The following SORBS2 variants were observed in gnomAD, a reference collection of about 807,000 sequenced individuals.
SORBS2 encodes sorbin and SH3 domain containing 2.
In SORBS2, 46 loss-of-function variants were observed where a neutral mutation model predicts 97.7. The observed-to-expected ratio is 0.47, with a 90% confidence interval of 0.37 to 0.60. SORBS2 has a LOEUF of 0.60. Ranked by LOEUF, SORBS2 falls within the 20% of genes least tolerant of loss-of-function variation. The probability of loss-of-function intolerance (pLI) is 0.00; values close to 1 mark genes in which losing one functional copy is unlikely to be tolerated. For missense variants in SORBS2, 1,316 were observed against 1,282.3 expected (o/e 1.03, Z -0.40); for synonymous variants, 476 against 473.4 (o/e 1.01, Z -0.07).
intron 1 of SORBS2, among the ~76,000 whole-genome samples, chr4:185,934,025 T>G (rs2099267717): frequency 6.6e-6 from 1 of 152,128 alleles, no homozygotes; most frequent in South Asian, 2.1e-4. Context: ...AAAGCATTTT[T>G]CCCCATAGGA....
In SORBS2 at chr4:185,684,712, A is replaced by C. The variant is rs1379594422; in HGVS notation, c.-197-5890T>G. ...AACAAAAACAGTCAGAAGAGCTAGA[A>C]GCCATTCAAGTGCGACATTGTGTGA... On this transcript the variant is annotated intron_variant, in intron 2 of 20. Transcript: ENST00000284776. The surrounding 1 kb of genome is among the most constrained non-coding windows in gnomAD (Gnocchi z 4.2). 1 of 1,336,660 alleles carries C rather than the reference A, an allele frequency of 7.5e-7. No homozygotes were observed. The highest frequency in any genetic ancestry group is 1.0e-6 in the Non-Finnish European group (1 of 952,424). 82.8% of individuals were successfully genotyped at this position (1,336,660 alleles called of 1,614,324 possible).
At chr4:185,863,805 T>C (rs993132558) in intron 1 of SORBS2, among the ~76,000 whole-genome samples, 7 of 152,232 alleles carry the variant, frequency 4.6e-5, no homozygotes, top group Non-Finnish European at 1.0e-4. Context: ...GCTATGATTG[T>C]GAATTAAATA....
intron 1 of SORBS2, among the ~76,000 whole-genome samples, chr4:185,936,957 TAGAC>T (rs1406832427): frequency 6.6e-6 from 1 of 152,252 alleles, no homozygotes; most frequent in Non-Finnish European, 1.5e-5. Flanking sequence ...TTCAGCTTCT[TAGAC>T]AGTAAGAGGA....
At chr4:185,682,806 T>C (rs1291469058) in intron 2 of SORBS2, among the ~76,000 whole-genome samples, 1 of 148,910 alleles carries the variant, frequency 6.7e-6, no homozygotes, top group African/African-American at 2.5e-5. Flanking sequence ...AGGTCAGGAG[T>C]TTGAGACCAG....
intron 4 of SORBS2, chr4:185,676,847 G>A: frequency 1.6e-6 from 1 of 632,362 alleles, no homozygotes; most frequent in Non-Finnish European, 2.7e-6. Context: ...ATTTAGTAGG[G>A]TTTTAAATTG....
chr4:185,926,227 C>T (rs1021465139), intron 1 of SORBS2, among the ~76,000 whole-genome samples: 1 of 152,244 alleles, frequency 6.6e-6, no homozygotes, highest in African/African-American at 2.4e-5. Context: ...ACTGCCCTGG[C>T]TGCAATGCCA....
intron 4 of SORBS2, among the ~76,000 whole-genome samples, chr4:185,668,529 A>G (rs1051035476): frequency 6.6e-6 from 1 of 152,212 alleles, no homozygotes; most frequent in Admixed American, 6.5e-5. Flanking sequence ...GTCACCCACA[A>G]AAAAGCTTTG....
At chr4:185,610,522 C>T (rs1291851868) in intron 12 of SORBS2, among the ~76,000 whole-genome samples, 7 of 152,058 alleles carry the variant, frequency 4.6e-5, no homozygotes, top group Admixed American at 3.3e-4. Context: ...GCAACTGAAA[C>T]TCAGTCTTCA....
chr4:185,895,348 A>T (rs945331904), intron 1 of SORBS2, among the ~76,000 whole-genome samples: 2 of 152,332 alleles, frequency 1.3e-5, no homozygotes, highest in Non-Finnish European at 2.9e-5. Flanking sequence ...GATCCATCCC[A>T]ACACAGAATC....
At chr4:185,889,695 C>T (rs1419510609) in intron 1 of SORBS2, among the ~76,000 whole-genome samples, 2 of 152,056 alleles carry the variant, frequency 1.3e-5, no homozygotes, top group Non-Finnish European at 2.9e-5. Context: ...GTGCTTCTGT[C>T]CTCCTCCTCC....
intron 1 of SORBS2, among the ~76,000 whole-genome samples, chr4:185,886,972 G>C (rs56122940): frequency 0.2 from 30,479 of 152,080 alleles, 3,941 homozygotes; most frequent in East Asian, 0.54. Context: ...AGCGGGCAGC[G>C]ATAGAATGGC....
intron 1 of SORBS2, among the ~76,000 whole-genome samples, chr4:185,807,400 T>C (rs946271192): frequency 3.9e-5 from 6 of 152,230 alleles, no homozygotes; most frequent in African/African-American, 1.2e-4. Context: ...AATTTAATGC[T>C]GAATTTATGT....
rs1012444074 is a variant in SORBS2 at position 185,623,333 on chromosome 4, G to A, written c.1796C>T (p.Ser599Phe). The change falls in exon 7 of 15, where the codon TCT becomes TTT. Residue 599 changes from serine (S) to phenylalanine (F), a missense_variant. Ser to Phe is a radical substitution (Grantham distance 155). Transcript: ENST00000418609. This position sits in a 1 kb window ranked among gnomAD's most constrained non-coding sequence, Gnocchi z 6.4. ...AGGACTGACTAGAAAAGCAAGTTTA[G>A]AAAGGCCAGGGTCCATTTCTTGCCT... 1.2e-6 allele frequency: 2 copies of A among 1,614,026 alleles called. No homozygotes were observed. The highest frequency in any genetic ancestry group is 2.2e-5 in the South Asian group (2 of 91,070).
At chr4:185,605,494 G>A (rs893290430) in intron 12 of SORBS2, among the ~76,000 whole-genome samples, 1 of 151,612 alleles carries the variant, frequency 6.6e-6, no homozygotes, top group Non-Finnish European at 1.5e-5. Context: ...ATGTTGGACA[G>A]GTTGGTTTCG....
rs35448726 is a variant in SORBS2 at position 185,806,436 on chromosome 4, ATTTTTTTTTTTTTTT to A, written c.-337-31085_-337-31071del. Among the ~76,000 whole-genome samples the A allele has an allele frequency of 8.8e-5, 2 of 22,724 alleles. 1 individual carries two copies. Among genetic ancestry groups the A allele is most frequent in the African/African-American group, 2.9e-4 (2 of 6,996 alleles). 14.9% of individuals were successfully genotyped at this position (22,724 alleles called of 152,430 possible). On this transcript the variant is annotated intron_variant, in intron 1 of 20. Coordinates refer to the SORBS2 transcript ENST00000284776. ...TGGCACAGCTCTTGGCTAGAATCCT[ATTTTTTTTTTTTTTT>A]TTTTTTTTTTTTTTTTTTTTTTTTG...
chr4:185,596,367 G>A (rs1471027188), intron 12 of SORBS2, among the ~76,000 whole-genome samples: 1 of 151,922 alleles, frequency 6.6e-6, no homozygotes, highest in Non-Finnish European at 1.5e-5. Flanking sequence ...AATTCTACTA[G>A]TTTAATTCCT....
chr4:185,653,390 G>A (rs762304592), intron 1 of SORBS2, among the ~76,000 whole-genome samples: 1 of 152,182 alleles, frequency 6.6e-6, no homozygotes, highest in African/African-American at 2.4e-5. Flanking sequence ...GGATCCAGGC[G>A]TCGGACATGA....
At position 185,885,374 on chromosome 4, in the gene SORBS2, A is replaced by T. The variant is rs1340997950; in HGVS notation, c.-338+70822T>A. Among the ~76,000 whole-genome samples, 3 of 152,336 alleles carry T rather than the reference A, an allele frequency of 2.0e-5. 1 individual carries two copies. The highest frequency in any genetic ancestry group is 4.1e-4 in the South Asian group (2 of 4,832). ...TTCTCACACTGCTGAATAAATAAGC[A>T]TTTTAGGGAAAGCCAAGAACATAAT... On this transcript the variant is annotated intron_variant, in intron 1 of 20. Coordinates refer to the SORBS2 transcript ENST00000284776.
chr4:185,651,886 A>G (rs903333379), intron 2 of SORBS2, 58 bp from the exon 11 acceptor site: 6 of 848,216 alleles, frequency 7.1e-6, no homozygotes, highest in African/African-American at 1.7e-5. Flanking sequence ...GGACAACGAG[A>G]CAGCAGAACT....
Sources: allele counts gnomAD v4.1 joint callset (sites outside exome capture counted in the v4.1 genomes callset), GRCh38; gene constraint gnomAD v4.1.1; non-coding constraint Gnocchi (gnomAD v3.1); transcripts MANE v1.5; gene names NCBI Gene and HGNC (gene_info 2026-07-23, HGNC 2026-07-21).